Variants in CCDC91 observed in about 807,000 individuals in gnomAD.
The protein encoded by CCDC91 is coiled-coil domain containing 91.
CCDC91 carries 48 observed loss-of-function variants against 63.2 expected under a neutral mutation model. That is an observed-to-expected ratio of 0.76 (90% CI 0.60 to 0.97). The LOEUF (loss-of-function observed/expected upper bound fraction) is 0.97, where lower values mean the gene tolerates loss of function less well. CCDC91 is among the 50% of genes least tolerant of loss of function. The pLI is 0.00. For synonymous variants in CCDC91, 167 were observed against 165.8 expected (o/e 1.01, Z -0.06); for missense variants, 500 against 494.6 (o/e 1.01, Z -0.10).
chr12:28,466,680 C>A (rs780538910), intron 11 of CCDC91, among the ~76,000 whole-genome samples: 16 of 152,030 alleles, frequency 1.1e-4, no homozygotes, highest in Non-Finnish European at 2.4e-4. Context: ...GGGATTTTAT[C>A]AACACAGGAC....
intron 8 of CCDC91, among the ~76,000 whole-genome samples, chr12:28,391,854 CTT>C (rs1281630202): frequency 6.6e-6 from 1 of 151,928 alleles, no homozygotes; most frequent in African/African-American, 2.4e-5. Flanking sequence ...GATTTAATAT[CTT>C]AGCTTAAATT....
intron 3 of CCDC91, among the ~76,000 whole-genome samples, chr12:28,272,590 T>A (rs1396711436): frequency 6.6e-6 from 1 of 152,108 alleles, no homozygotes; most frequent in East Asian, 1.9e-4. Flanking sequence ...AATTTCAATT[T>A]TCTTTCTTTC....
At chr12:28,402,520 A>ATTTTTTTT (rs57398967) in intron 8 of CCDC91, among the ~76,000 whole-genome samples, 18 of 51,892 alleles carry the variant, frequency 3.5e-4, no homozygotes, top group South Asian at 9.6e-4. Context: ...AGTTCCAGGA[A>ATTTTTTTT]TTTTTTTTTT....
chr12:28,464,815 A>T (rs1414098589), intron 11 of CCDC91, among the ~76,000 whole-genome samples: 3 of 152,012 alleles, frequency 2.0e-5, no homozygotes, highest in Non-Finnish European at 4.4e-5. Flanking sequence ...CGGTAGAGGG[A>T]AAAGTAAAGG....
intron 8 of CCDC91, among the ~76,000 whole-genome samples, chr12:28,442,943 CT>C (rs1949304408): frequency 1.3e-5 from 2 of 151,852 alleles, no homozygotes; most frequent in South Asian, 4.1e-4. Context: ...GAAGAAAGGC[CT>C]GTATAAAATA....
intron 6 of CCDC91, among the ~76,000 whole-genome samples, chr12:28,339,146 C>A (rs1301166886): frequency 6.6e-6 from 1 of 152,042 alleles, no homozygotes; most frequent in African/African-American, 2.4e-5. Flanking sequence ...CAACTGGATT[C>A]TGGTATATAT....
chr12:28,285,738 T>A (rs981025168), intron 3 of CCDC91, among the ~76,000 whole-genome samples: 1 of 151,490 alleles, frequency 6.6e-6, no homozygotes, highest in Non-Finnish European at 1.5e-5. Flanking sequence ...CTGATTGATC[T>A]TATTATTTAT....
chr12:28,454,655 T>C (rs953310622), intron 11 of CCDC91, among the ~76,000 whole-genome samples: 4 of 152,158 alleles, frequency 2.6e-5, no homozygotes, highest in African/African-American at 9.6e-5. Flanking sequence ...TGCCAGGTCC[T>C]GTTACGGCTC....
chr12:28,231,860 A>C (rs1249862653), intron 1 of CCDC91, among the ~76,000 whole-genome samples: 2 of 152,200 alleles, frequency 1.3e-5, no homozygotes, highest in Non-Finnish European at 2.9e-5. Flanking sequence ...AATCTGATTC[A>C]GGCACAGCTA....
intron 1 of CCDC91, among the ~76,000 whole-genome samples, chr12:28,228,750 G>T (rs944538724): frequency 1.3e-5 from 2 of 151,950 alleles, no homozygotes; most frequent in African/African-American, 4.8e-5. Context: ...GAAGTCTCTT[G>T]GTTGGAAATG....
intron 8 of CCDC91, among the ~76,000 whole-genome samples, chr12:28,441,461 G>A (rs1378923451): frequency 6.6e-6 from 1 of 151,970 alleles, no homozygotes; most frequent in East Asian, 1.9e-4. Context: ...ATCTTCAGGA[G>A]AATGGGTAAA....
intron 8 of CCDC91, among the ~76,000 whole-genome samples, chr12:28,403,928 A>G (rs930428926): frequency 2.0e-5 from 3 of 151,980 alleles, no homozygotes; most frequent in African/African-American, 7.2e-5. Flanking sequence ...TTTCTTGGCT[A>G]GTCTGCTAGA....
chr12:28,234,935 T>A (rs1456964983), intron 1 of CCDC91, among the ~76,000 whole-genome samples: 2 of 152,180 alleles, frequency 1.3e-5, no homozygotes. Context: ...TGTGTCAATT[T>A]GCTCATGATT....
intron 3 of CCDC91, among the ~76,000 whole-genome samples, chr12:28,289,875 T>G (rs569963433): frequency 3.3e-5 from 5 of 151,592 alleles, no homozygotes; most frequent in South Asian, 4.2e-4. Flanking sequence ...GTATTTTTTA[T>G]TAGAGACAGG....
intron 8 of CCDC91, among the ~76,000 whole-genome samples, chr12:28,421,851 C>T (rs1028427086): frequency 2.0e-5 from 3 of 152,120 alleles, no homozygotes; most frequent in Non-Finnish European, 4.4e-5. Flanking sequence ...CCTATTCCTT[C>T]CCTGTATCCT....
chr12:28,214,784 T>C (rs182626347), intron 1 of CCDC91, among the ~76,000 whole-genome samples: 1 of 152,312 alleles, frequency 6.6e-6, no homozygotes, highest in Admixed American at 6.5e-5. Context: ...TTTCCAGTTG[T>C]AGTCAGGATA....
intron 8 of CCDC91, among the ~76,000 whole-genome samples, chr12:28,427,781 A>G (rs1948407724): frequency 6.6e-6 from 1 of 152,156 alleles, no homozygotes; most frequent in Admixed American, 6.5e-5. Context: ...TGTTGTAAGG[A>G]TAGGAGGAGT....
chr12:28,508,678 A>C (rs1939024901), intron 12 of CCDC91, among the ~76,000 whole-genome samples: 1 of 151,914 alleles, frequency 6.6e-6, no homozygotes, highest in Non-Finnish European at 1.5e-5. Context: ...AAGTGTAATG[A>C]AACTCATTCT....
chr12:28,222,288 G>A (rs1392815791), intron 1 of CCDC91, among the ~76,000 whole-genome samples: 1 of 151,042 alleles, frequency 6.6e-6, no homozygotes, highest in Non-Finnish European at 1.5e-5. Context: ...TAGAACCACA[G>A]GGGTGGCGGT....
Sources: gnomAD v4.1 joint callset for allele counts (sites outside exome capture counted in the v4.1 genomes callset) on GRCh38, gnomAD v4.1.1 for gene constraint, MANE v1.5 for transcripts, NCBI Gene and HGNC (gene_info 2026-07-23, HGNC 2026-07-21) for gene names.